The following NUDCD1 variants were observed in gnomAD, a reference collection of about 807,000 sequenced individuals.
NUDCD1 encodes nudC domain-containing protein 1.
A neutral mutation model predicts 67.8 loss-of-function variants in NUDCD1; 60 were observed. The observed-to-expected ratio is 0.88, with a 90% CI of 0.72 to 1.10. The LOEUF (loss-of-function observed/expected upper bound fraction) is 1.10, where lower values mean the gene tolerates loss of function less well. Ranked by LOEUF, NUDCD1 falls within the 50% of genes least tolerant of loss-of-function variation. NUDCD1 has a pLI of 0.00. For synonymous variants in NUDCD1, 244 were observed against 230.8 expected, an observed-to-expected ratio of 1.06 and a Z score of -0.52; for missense variants, 643 against 695.0, an observed-to-expected ratio of 0.93 and a Z score of 0.84.
chr8:109,258,706 G>A (rs1404958516), intron 8 of NUDCD1, among the ~76,000 whole-genome samples: 1 of 151,904 alleles, frequency 6.6e-6, no homozygotes, highest in Non-Finnish European at 1.5e-5. Context: ...GAAAAAAAAA[G>A]TATCAGTTAA....
intron 1 of NUDCD1, among the ~76,000 whole-genome samples, chr8:109,325,003 TC>T (rs200725361): frequency 0.011 from 1,680 of 152,160 alleles, 27 homozygotes; most frequent in African/African-American, 0.038. Flanking sequence ...GGCACGAGAA[TC>T]GCTTGAACCC....
At chr8:109,286,241 A>G (rs1814571614) in intron 5 of NUDCD1, among the ~76,000 whole-genome samples, 7 of 152,146 alleles carry the variant, frequency 4.6e-5, no homozygotes, top group Admixed American at 3.9e-4. Context: ...AAAACAAACT[A>G]CAGAGTAAAT....
chr8:109,294,832 C>A (rs1449140769), intron 3 of NUDCD1, among the ~76,000 whole-genome samples: 3 of 152,020 alleles, frequency 2.0e-5, no homozygotes, highest in Non-Finnish European at 2.9e-5. Flanking sequence ...CCCCTTACCC[C>A]CCACCATGCT....
intron 8 of NUDCD1, among the ~76,000 whole-genome samples, chr8:109,270,036 TAA>T (rs1451542958): frequency 4.4e-5 from 5 of 112,548 alleles, no homozygotes; most frequent in East Asian, 2.8e-4. Context: ...TCAAAGCTTG[TAA>T]AAAGAGTGTA....
intron 2 of NUDCD1, among the ~76,000 whole-genome samples, chr8:109,305,645 C>A (rs1815086040): frequency 6.6e-6 from 1 of 152,144 alleles, no homozygotes. Flanking sequence ...ATCCCAAGCA[C>A]TAGCCCTCTA....
chr8:109,269,320 C>T (rs1311227949), intron 8 of NUDCD1, among the ~76,000 whole-genome samples: 2 of 152,154 alleles, frequency 1.3e-5, no homozygotes, highest in Non-Finnish European at 2.9e-5. Flanking sequence ...GTACTTCTGC[C>T]TAGCCATTGG....
intron 8 of NUDCD1, among the ~76,000 whole-genome samples, chr8:109,253,684 A>C (rs887736191): frequency 2.0e-5 from 3 of 152,230 alleles, no homozygotes; most frequent in Non-Finnish European, 4.4e-5. Context: ...GTACCATTGT[A>C]CTTTGCTCTT....
In NUDCD1 at chr8:109,334,036, A is replaced by G. The variant is rs778539648; in HGVS notation, c.-26T>C. 2 of 1,613,988 alleles carry G rather than the reference A, an allele frequency of 1.2e-6. No homozygotes were observed. The highest frequency in any genetic ancestry group is 2.2e-5 in the East Asian group (1 of 44,878). Reference sequence around the variant, plus strand: ...CGCTTTCCAGGGCCGCAGCGTGAGAATTAATAAAGCCCTTGTTGAAAGGTC... The same window carrying G: ...CGCTTTCCAGGGCCGCAGCGTGAGAGTTAATAAAGCCCTTGTTGAAAGGTC... On this transcript the variant is annotated 5_prime_UTR_variant, in exon 1 of 10. Transcript: ENST00000239690.
At chr8:109,329,202 A>C (rs183004952) in intron 1 of NUDCD1, among the ~76,000 whole-genome samples, 1 of 152,148 alleles carries the variant, frequency 6.6e-6, no homozygotes, top group Non-Finnish European at 1.5e-5. Flanking sequence ...AAAAAGTATG[A>C]AGAAAAAATG....
At chr8:109,314,264 T>A (rs1815333776) in intron 2 of NUDCD1, among the ~76,000 whole-genome samples, 1 of 152,156 alleles carries the variant, frequency 6.6e-6, no homozygotes, top group Admixed American at 6.5e-5. Context: ...TAAGGCAACA[T>A]TACACAGCTG....
intron 6 of NUDCD1, among the ~76,000 whole-genome samples, chr8:109,278,010 C>T (rs932203826): frequency 6.6e-6 from 1 of 152,148 alleles, no homozygotes; most frequent in Non-Finnish European, 1.5e-5. Context: ...ATATATTTTT[C>T]TTGGATGCTC....
At chr8:109,319,526 G>A (rs1815482081) in intron 2 of NUDCD1, among the ~76,000 whole-genome samples, 1 of 152,178 alleles carries the variant, frequency 6.6e-6, no homozygotes, top group Non-Finnish European at 1.5e-5. Context: ...AGATGTCAAG[G>A]CAAGCTTGCT....
chr8:109,277,201 A>G (rs1814310126), intron 6 of NUDCD1, among the ~76,000 whole-genome samples: 1 of 152,188 alleles, frequency 6.6e-6, no homozygotes, highest in Admixed American at 6.5e-5. Flanking sequence ...CCAAGGTCAC[A>G]AGCTATTTAA....
At chr8:109,318,446 T>C (rs1815454692) in intron 2 of NUDCD1, among the ~76,000 whole-genome samples, 1 of 152,214 alleles carries the variant, frequency 6.6e-6, no homozygotes, top group African/African-American at 2.4e-5. Flanking sequence ...CAAAATCTAT[T>C]TGATCATTAA....
chr8:109,296,330 G>A (rs1045519060), intron 3 of NUDCD1, 54 bp downstream of exon 3: 153 of 1,341,698 alleles, frequency 1.1e-4, no homozygotes, highest in Non-Finnish European at 1.6e-4. Context: ...AATAAGTAGG[G>A]TGTAATTTAC....
chr8:109,242,820 C>T lies in NUDCD1; in HGVS notation c.*189G>A. The T allele has an allele frequency of 2.8e-6, 1 of 359,646 alleles. No individual in the cohort carries two copies. The highest frequency in any genetic ancestry group is 8.0e-5 in the South Asian group (1 of 12,436). 22.3% of individuals were successfully genotyped at this position (359,646 alleles called of 1,614,324 possible). On this transcript the variant is annotated 3_prime_UTR_variant, in exon 10 of 10. Transcript: ENST00000239690. ...TTTCAGAAGCCAATGTTCTCTAAAT[C>T]TGCAGCTTCATTCCACAGCTTTACA... is the stretch of plus-strand genomic sequence containing the variant.
intron 2 of NUDCD1, chr8:109,313,850 G>T (rs1815321027): frequency 9.1e-7 from 1 of 1,103,554 alleles, no homozygotes; most frequent in South Asian, 1.3e-5. Flanking sequence ...CAGATAAATG[G>T]GTACAATATC....
intron 8 of NUDCD1, among the ~76,000 whole-genome samples, chr8:109,257,823 T>C (rs1813773288): frequency 6.6e-6 from 1 of 152,072 alleles, no homozygotes; most frequent in African/African-American, 2.4e-5. Flanking sequence ...TAGCCATAGA[T>C]AGCATATAAA....
chr8:109,269,624 C>T (rs1053219720), intron 8 of NUDCD1, among the ~76,000 whole-genome samples: 2 of 152,108 alleles, frequency 1.3e-5, no homozygotes, highest in Admixed American at 1.3e-4. Context: ...AACATCAGGG[C>T]ACACTTGGCA....
Sources: gnomAD v4.1 joint callset for allele counts (sites outside exome capture counted in the v4.1 genomes callset) on GRCh38, gnomAD v4.1.1 for gene constraint, MANE v1.5 for transcripts, NCBI Gene and HGNC (gene_info 2026-07-23, HGNC 2026-07-21) for gene names.